The following HMGCS1 variants were observed in gnomAD, a reference collection of about 807,000 sequenced individuals.
HMGCS1 encodes the protein hydroxymethylglutaryl-CoA synthase, cytoplasmic.
Under a neutral mutation model 52.3 loss-of-function variants are expected in HMGCS1, and 9 were observed. That is an observed-to-expected ratio of 0.17 (90% confidence interval 0.10 to 0.30). HMGCS1 has a LOEUF of 0.30. Ranked by LOEUF, HMGCS1 falls within the 10% of genes least tolerant of loss-of-function variation. The pLI is 1.00. For missense variants in HMGCS1, 320 were observed against 620.9 expected, an observed-to-expected ratio of 0.52 and a Z score of 5.15; for synonymous variants, 176 against 214.4, an observed-to-expected ratio of 0.82 and a Z score of 1.57.
chr5:43,296,388 C>T (rs764734425), intron 5 of HMGCS1, among the ~76,000 whole-genome samples: 1 of 152,124 alleles, frequency 6.6e-6, no homozygotes, highest in African/African-American at 2.4e-5. Context: ...AAGAATGCTT[C>T]TTATCCAGAG....
chr5:43,297,138 G>A lies in HMGCS1; in HGVS notation c.603C>T (p.Ala201=). ...RGLRGTHMQH[A]YDFYKPDMLS... is the part of the protein sequence containing the mutation. ...GCATATCAGGCTTGTAAAAATCATA[G>A]GCATGTTGCATATGTGTCCCACGAA... The change falls in exon 5 of 11, where the codon GCC becomes GCT. Residue 201 remains alanine (A), a synonymous_variant. Coordinates refer to ENST00000325110, the MANE Select transcript of HMGCS1 (RefSeq NM_001098272.3). The A allele has an allele frequency of 6.2e-7, 1 of 1,613,382 alleles. No individual in the cohort carries two copies. The highest frequency in any genetic ancestry group is 8.5e-7 in the Non-Finnish European group (1 of 1,179,620).
chr5:43,293,346 G>A (rs892243901), intron 8 of HMGCS1, among the ~76,000 whole-genome samples: 3 of 152,202 alleles, frequency 2.0e-5, no homozygotes, highest in Admixed American at 6.5e-5. Flanking sequence ...TCCCACCTCA[G>A]CCTCCTGAAG....
chr5:43,298,002 C>G lies in HMGCS1; in HGVS notation c.574+7G>C. 2 of 1,612,572 alleles carry G rather than the reference C, an allele frequency of 1.2e-6. No homozygotes were observed. The highest frequency in any genetic ancestry group is 2.2e-5 in the South Asian group (2 of 90,666). ...AAAAAAACAAAAATGCTTTCCCAAG[C>G]ACTTACCTCGTTCAAAAATTAAAGG... On this transcript the variant is annotated splice_region_variant and intron_variant, in intron 4 of 10. Coordinates refer to ENST00000325110, the MANE Select transcript of HMGCS1 (RefSeq NM_001098272.3). The surrounding 1 kb of genome is among the most constrained non-coding windows in gnomAD (Gnocchi z 5.6).
intron 5 of HMGCS1, 42 bp from the exon 6 acceptor site, chr5:43,295,959 C>T (rs1163046082): frequency 6.7e-7 from 1 of 1,489,708 alleles, no homozygotes; most frequent in Admixed American, 1.9e-5. Flanking sequence ...TCATATAAGC[C>T]ATGAAATTTT....
chr5:43,294,617 C>T (rs897092084), intron 7 of HMGCS1, 74 bp downstream of exon 7: 3 of 1,114,116 alleles, frequency 2.7e-6, no homozygotes, highest in African/African-American at 1.6e-5. Flanking sequence ...ACATGCTTGA[C>T]ACTAGATTTG....
At chr5:43,295,519 G>C (rs952595040) in intron 6 of HMGCS1, among the ~76,000 whole-genome samples, 1 of 152,128 alleles carries the variant, frequency 6.6e-6, no homozygotes, top group Non-Finnish European at 1.5e-5. Context: ...AACATGAATG[G>C]AGCTGAAAGA....
intron 1 of HMGCS1, among the ~76,000 whole-genome samples, chr5:43,309,860 T>C (rs919711453): frequency 6.6e-6 from 1 of 152,160 alleles, no homozygotes; most frequent in Non-Finnish European, 1.5e-5. Context: ...TGGCAAAGAC[T>C]AAAACACAAG....
In HMGCS1 at chr5:43,290,536, T is replaced by C. The variant is rs1347932821; in HGVS notation, c.*595A>G. 1 of 152,254 alleles carries C rather than the reference T, an allele frequency of 6.6e-6. No individual in the cohort carries two copies. Among genetic ancestry groups the C allele is most frequent in the African/African-American group, 2.4e-5 (1 of 41,468 alleles). The allele number at this position is 152,254 out of a possible 1,614,324, so 9.4% of individuals were successfully genotyped here. A position where few individuals can be genotyped will look rare whatever the true frequency, so the allele number is the denominator to read the frequency against. On this transcript the variant is annotated 3_prime_UTR_variant, in exon 11 of 11. Transcript: ENST00000325110. ...TCCAGATTCCAGAGCCAGTGTTTTA[T>C]TGTCCCAGCTCTTTTCTTCCTCTTT...
At chr5:43,311,062 C>T (rs1408207100) in intron 1 of HMGCS1, among the ~76,000 whole-genome samples, 4 of 152,190 alleles carry the variant, frequency 2.6e-5, no homozygotes, top group African/African-American at 7.2e-5. Flanking sequence ...TGGTGGCTCA[C>T]GCCTGTAATC....
chr5:43,305,996 C>T (rs1479497073), intron 2 of HMGCS1, among the ~76,000 whole-genome samples: 1 of 151,964 alleles, frequency 6.6e-6, no homozygotes, highest in East Asian at 1.9e-4. Flanking sequence ...AAAATACACA[C>T]ATTTTCTTTT....
At chr5:43,309,520 G>A (rs557654928) in intron 1 of HMGCS1, among the ~76,000 whole-genome samples, 3 of 152,148 alleles carry the variant, frequency 2.0e-5, no homozygotes, top group Admixed American at 6.5e-5. Context: ...GATTATAGGC[G>A]TGGGCCACCT....
Position 43,294,834 on chromosome 5 carries a change from A to T in HMGCS1, c.933T>A (p.Phe311Leu), listed in dbSNP as rs1753951418. The change falls in exon 7 of 11, where the codon TTT (phenylalanine) becomes TTA (leucine). Residue 311 changes from phenylalanine to leucine, a missense_variant. Phe to Leu is a conservative substitution (Grantham distance 22). Around this residue, in one of 3 missense-constraint regions of HMGCS1, gnomAD observed 213 missense variants for 337.4 expected, o/e 0.63. Transcript: ENST00000325110. The stretch of plus-strand genomic sequence containing the variant: ...TAAATGCCTTCTCCACATCTCTATC[A>T]AAGTAGGTGTCTTCTAATTTAACAT... ...FGDVKLEDTY[F>L]DRDVEKAFMK... 6.2e-7 allele frequency: 1 copy of T among 1,608,776 alleles called. No individual in the cohort carries two copies. The highest frequency in any genetic ancestry group is 8.5e-7 in the Non-Finnish European group (1 of 1,177,036).
chr5:43,294,916 C>A, intron 6 of HMGCS1, 55 bp from the exon 7 acceptor site: 2 of 1,162,756 alleles, frequency 1.7e-6, no homozygotes, highest in Non-Finnish European at 1.2e-6. Context: ...TTTTATTACA[C>A]TAAACAGCAG....
chr5:43,302,213 CAA>C (rs1754353813), intron 2 of HMGCS1, among the ~76,000 whole-genome samples: 1 of 152,164 alleles, frequency 6.6e-6, no homozygotes, highest in Admixed American at 6.5e-5. Flanking sequence ...AGAAAACACA[CAA>C]AGAGAACTAC....
chr5:43,300,191 T>C (rs1478427890), intron 2 of HMGCS1, among the ~76,000 whole-genome samples: 1 of 152,230 alleles, frequency 6.6e-6, no homozygotes, highest in Admixed American at 6.5e-5. Context: ...CCAGATGGCA[T>C]AAGAACCAAT....
At chr5:43,291,251 T>G in intron 10 of HMGCS1, 31 bp from the exon 11 acceptor site, 4 of 1,283,178 alleles carry the variant, frequency 3.1e-6, no homozygotes, top group Non-Finnish European at 4.6e-6. Context: ...TTGATGGCTC[T>G]TATGATTCTT....
chr5:43,298,209 T>C lies in HMGCS1; in HGVS notation c.449-75A>G. On this transcript the variant is annotated intron_variant, in intron 3 of 10. Coordinates refer to ENST00000325110, the MANE Select transcript of HMGCS1 (RefSeq NM_001098272.3). This position sits in a 1 kb window ranked among gnomAD's most constrained non-coding sequence, Gnocchi z 5.6. The stretch of plus-strand genomic sequence containing the variant: ...CAAACATGGAAACTGAAGTCTGTTA[T>C]ATTTTCCCCAGAATATGCTTTTCCC... 3 of 1,297,952 alleles carry C rather than the reference T, an allele frequency of 2.3e-6. No individual in the cohort carries two copies. The highest frequency in any genetic ancestry group is 3.2e-6 in the Non-Finnish European group (3 of 931,340). The allele number at this position is 1,297,952 out of a possible 1,614,324, so 80.4% of individuals were successfully genotyped here. A position where few individuals can be genotyped will look rare whatever the true frequency, so the allele number is the denominator to read the frequency against.
chr5:43,312,365 G>T (rs902495638), intron 1 of HMGCS1, among the ~76,000 whole-genome samples: 2 of 152,226 alleles, frequency 1.3e-5, no homozygotes, highest in Non-Finnish European at 2.9e-5. Context: ...GGTGAGCAGT[G>T]AAAGCAGCTA....
intron 2 of HMGCS1, among the ~76,000 whole-genome samples, chr5:43,304,659 C>T (rs1469467417): frequency 6.6e-6 from 1 of 152,148 alleles, no homozygotes; most frequent in Non-Finnish European, 1.5e-5. Flanking sequence ...AAATACATGA[C>T]ATGTTTCATT....
Sources: gnomAD v4.1 joint callset for allele counts (sites outside exome capture counted in the v4.1 genomes callset) on GRCh38, gnomAD v4.1.1 for gene constraint, gnomAD v4.1.1 regional missense constraint, Gnocchi (gnomAD v3.1) non-coding constraint, MANE v1.5 for transcripts, NCBI Gene and HGNC (gene_info 2026-07-23, HGNC 2026-07-21) for gene names.